The following CNTNAP2 variants were observed in gnomAD, a reference collection of about 807,000 sequenced individuals.
CNTNAP2 encodes contactin associated protein 2, also known as contactin-associated protein-like 2.
A neutral mutation model predicts 155.2 loss-of-function variants in CNTNAP2; 98 were observed. The observed-to-expected ratio is 0.63, with a 90% CI of 0.54 to 0.75. The LOEUF is 0.75. CNTNAP2 is among the 30% of genes least tolerant of loss of function. CNTNAP2 has a pLI of 0.00. For synonymous variants in CNTNAP2, 651 were observed against 631.2 expected (o/e 1.03, Z -0.47); for missense variants, 1,727 against 1,688.1 (o/e 1.02, Z -0.40).
chr7:147,935,076 T>C (rs974894989), intron 14 of CNTNAP2, among the ~76,000 whole-genome samples: 2 of 151,948 alleles, frequency 1.3e-5, no homozygotes, highest in Non-Finnish European at 2.9e-5. Flanking sequence ...TGAAAAGTAA[T>C]CTAATGCAAA....
chr7:146,505,444 A>G (rs895107092), intron 1 of CNTNAP2, among the ~76,000 whole-genome samples: 4 of 152,258 alleles, frequency 2.6e-5, no homozygotes, highest in African/African-American at 9.6e-5. Context: ...TGATGGTACC[A>G]CAACTTTTCA....
At chr7:147,468,490 C>T (rs193297739) in intron 10 of CNTNAP2, among the ~76,000 whole-genome samples, 74 of 152,154 alleles carry the variant, frequency 4.9e-4, no homozygotes, top group African/African-American at 1.5e-3. Flanking sequence ...TTGCAGGTAA[C>T]GGGACTTATG....
At position 148,303,636 on chromosome 7, in the gene CNTNAP2, C is replaced by T. The variant is rs550414532; in HGVS notation, c.3475+36510C>T. On this transcript the variant is annotated intron_variant, in intron 21 of 23. Coordinates refer to ENST00000361727, the MANE Select transcript of CNTNAP2 (RefSeq NM_014141.6). ...CCCAGAATAGAAATATTTACCATCA[C>T]GTCTGGATGATAATATCAATAAATT... 6.6e-5 allele frequency among the ~76,000 whole-genome samples: 10 copies of T among 152,318 alleles called. No individual in the cohort carries two copies. The South Asian group carries it at 8.3e-4, about 13-fold the overall frequency.
intron 8 of CNTNAP2, among the ~76,000 whole-genome samples, chr7:147,133,503 C>T (rs1801418146): frequency 6.6e-6 from 1 of 151,928 alleles, no homozygotes; most frequent in Non-Finnish European, 1.5e-5. Flanking sequence ...CGGTTTCTAA[C>T]ACACTATGAT....
intron 20 of CNTNAP2, chr7:148,263,019 C>G (rs1156434209): frequency 1.3e-5 from 2 of 152,296 alleles, no homozygotes; most frequent in Non-Finnish European, 2.9e-5. Context: ...CTCATCCCTT[C>G]CGGCCACAGC....
chr7:147,136,336 G>C (rs1192873253), intron 8 of CNTNAP2, among the ~76,000 whole-genome samples: 1 of 151,904 alleles, frequency 6.6e-6, no homozygotes, highest in African/African-American at 2.4e-5. Flanking sequence ...TCCTTGTTTT[G>C]TTAATGTAGG....
At chr7:147,164,106 C>T (rs889570020) in intron 8 of CNTNAP2, among the ~76,000 whole-genome samples, 4 of 152,202 alleles carry the variant, frequency 2.6e-5, no homozygotes, top group Admixed American at 6.5e-5. Flanking sequence ...TCCTGGCATA[C>T]TCATGTGGAA....
intron 13 of CNTNAP2, among the ~76,000 whole-genome samples, chr7:147,660,275 T>C (rs894718550): frequency 6.6e-6 from 1 of 152,256 alleles, no homozygotes; most frequent in Non-Finnish European, 1.5e-5. Flanking sequence ...TAGAACCTTC[T>C]CTTCCTGCTG....
rs139215546 is a variant in CNTNAP2 at position 147,437,509 on chromosome 7, T to A, written c.1670+41729T>A. On this transcript the variant is annotated intron_variant, in intron 10 of 23. Transcript: ENST00000361727. ...GGCATCTTTGTCCAACATTTCATAGTAGGTGTATAAATTTGTTTTTGGTTT... is the reference window on the plus strand; with the variant it reads ...GGCATCTTTGTCCAACATTTCATAGAAGGTGTATAAATTTGTTTTTGGTTT... Among the ~76,000 whole-genome samples the A allele has an allele frequency of 3.8e-4, 58 of 152,262 alleles. No homozygotes were observed. The East Asian group carries it at 9.5e-3, about 25-fold the overall frequency.
chr7:148,246,545 C>A (rs998357207), intron 20 of CNTNAP2, among the ~76,000 whole-genome samples: 1 of 152,108 alleles, frequency 6.6e-6, no homozygotes, highest in Non-Finnish European at 1.5e-5. Flanking sequence ...ACCCCACATA[C>A]GAGAATCATT....
chr7:146,438,139 T>C (rs1167148381), intron 1 of CNTNAP2, among the ~76,000 whole-genome samples: 2 of 151,500 alleles, frequency 1.3e-5, no homozygotes, highest in Non-Finnish European at 2.9e-5. Context: ...ATTATACATA[T>C]GTATATCTTA....
intron 9 of CNTNAP2, among the ~76,000 whole-genome samples, chr7:147,340,026 A>G (rs555246254): frequency 6.6e-6 from 1 of 152,266 alleles, no homozygotes; most frequent in Non-Finnish European, 1.5e-5. Flanking sequence ...TCACTCTGTC[A>G]CCAATGGCAT....
intron 3 of CNTNAP2, among the ~76,000 whole-genome samples, chr7:147,025,877 T>G (rs1404197064): frequency 6.6e-6 from 1 of 151,574 alleles, no homozygotes; most frequent in African/African-American, 2.4e-5. Flanking sequence ...AATTTTTATA[T>G]ATTTTTTAAT....
intron 1 of CNTNAP2, among the ~76,000 whole-genome samples, chr7:146,203,518 C>G (rs1482983499): frequency 1.3e-5 from 2 of 152,148 alleles, no homozygotes; most frequent in Non-Finnish European, 2.9e-5. Context: ...CCAGGACCCT[C>G]CAGAAGCCCC....
intron 3 of CNTNAP2, among the ~76,000 whole-genome samples, chr7:146,943,766 C>T (rs1423366439): frequency 6.6e-6 from 1 of 152,090 alleles, no homozygotes; most frequent in African/African-American, 2.4e-5. Context: ...TCAAGATTTA[C>T]AGTATTGCAC....
chr7:148,344,190 T>A (rs1348105436), intron 21 of CNTNAP2, among the ~76,000 whole-genome samples: 1 of 152,190 alleles, frequency 6.6e-6, no homozygotes, highest in Admixed American at 6.5e-5. Context: ...TATTTAGGTG[T>A]TTATTCAGTG....
rs1337080674 is a variant in CNTNAP2 at position 146,906,788 on chromosome 7, C to G, written c.402+66884C>G. ...ACGCAGCTCCTCACCAGCAACGGAA[C>G]AAAGCTGGATGGAGAATGACTTTGA... On this transcript the variant is annotated intron_variant, in intron 3 of 23. Transcript: ENST00000361727. Among the ~76,000 whole-genome samples the G allele has an allele frequency of 3.3e-5, 5 of 152,158 alleles. 1 individual carries two copies. Among genetic ancestry groups the G allele is most frequent in the South Asian group, 2.1e-4 (1 of 4,816 alleles).
chr7:148,125,675 GTGTGTGTGTGTGTGTA>G lies in CNTNAP2; in HGVS notation c.2554+7389_2554+7404del, dbSNP rs1189450132. Among the ~76,000 whole-genome samples the G allele has an allele frequency of 1.4e-4, 20 of 145,286 alleles. 1 individual carries two copies. Among genetic ancestry groups the G allele is most frequent in the East Asian group, 8.2e-4 (4 of 4,852 alleles). On this transcript the variant is annotated intron_variant, in intron 16 of 23. Coordinates refer to ENST00000361727, the MANE Select transcript of CNTNAP2 (RefSeq NM_014141.6). ...TAAAACTGTGTGTGTGTGTGTGTGT[GTGTGTGTGTGTGTGTA>G]TATATATATAGTTTTTTTTTTTTTT...
intron 1 of CNTNAP2, among the ~76,000 whole-genome samples, chr7:146,207,591 A>AT (rs995196132): frequency 2.5e-4 from 37 of 148,446 alleles, no homozygotes; most frequent in African/African-American, 8.9e-4. Context: ...GACAACAGAA[A>AT]TTTTTTTTAG....
Sources: gnomAD v4.1 joint callset for allele counts (sites outside exome capture counted in the v4.1 genomes callset) on GRCh38, gnomAD v4.1.1 for gene constraint, MANE v1.5 for transcripts, NCBI Gene and HGNC (gene_info 2026-07-23, HGNC 2026-07-21) for gene names.